Variants in MAF observed in about 807,000 individuals in gnomAD.
The protein encoded by MAF is MAF bZIP transcription factor.
Under a neutral mutation model 22.0 loss-of-function variants are expected in MAF, and 10 were observed. The ratio of observed to expected loss-of-function variants is 0.45; its 90% CI spans 0.28 to 0.77. The LOEUF (loss-of-function observed/expected upper bound fraction) is 0.77. Among genes scored for constraint, MAF ranks in the 30% least tolerant of loss-of-function variants. The pLI is 0.12. For synonymous variants in MAF, 337 were observed against 255.8 expected (o/e 1.32, Z -3.03); for missense variants, 544 against 548.4 (o/e 0.99, Z 0.08).
chr16:79,418,343 A>T, the MAF span, among the ~76,000 whole-genome samples: 1 of 152,182 alleles, frequency 6.6e-6, no homozygotes, highest in Non-Finnish European at 1.5e-5. Flanking sequence ...CACAGAGAAA[A>T]AAAGAGCCCC....
At chr16:79,391,869 GAGA>G in the MAF span, among the ~76,000 whole-genome samples, 2 of 141,490 alleles carry the variant, frequency 1.4e-5, no homozygotes, top group Non-Finnish European at 3.2e-5. Context: ...GAAGGAGGAG[GAGA>G]AGGAGGAGGA....
At chr16:79,566,138 T>A in the MAF span, among the ~76,000 whole-genome samples, 1 of 152,210 alleles carries the variant, frequency 6.6e-6, no homozygotes, top group Non-Finnish European at 1.5e-5. Flanking sequence ...ACAACATCTC[T>A]GTAGATCATC....
the MAF span, among the ~76,000 whole-genome samples, chr16:79,228,693 G>A: frequency 1.3e-5 from 2 of 152,108 alleles, no homozygotes; most frequent in South Asian, 4.1e-4. Context: ...GCCTATATTT[G>A]TTATGGTTGA....
the MAF span, among the ~76,000 whole-genome samples, chr16:79,577,410 G>C: frequency 6.6e-6 from 1 of 152,200 alleles, no homozygotes. Context: ...AGGGTCAATT[G>C]ATACCTTAAT....
At chr16:79,377,539 C>T in the MAF span, among the ~76,000 whole-genome samples, 3 of 152,180 alleles carry the variant, frequency 2.0e-5, no homozygotes, top group Non-Finnish European at 2.9e-5. Flanking sequence ...TAATTAGATC[C>T]CATTTGTCAA....
chr16:79,313,421 G>C, the MAF span, among the ~76,000 whole-genome samples: 2 of 152,238 alleles, frequency 1.3e-5, no homozygotes, highest in South Asian at 4.2e-4. Context: ...GTCATGACCA[G>C]GTCCATGATG....
In MAF at chr16:79,594,326, T is replaced by A; in HGVS notation, c.*134A>T. On this transcript the variant is annotated 3_prime_UTR_variant, in exon 2 of 2. Coordinates refer to ENST00000326043, the MANE Select transcript of MAF (RefSeq NM_005360.5). ...AGGCATAGTTAACTACTACATTTAA[T>A]AGCCTTCTTCTCTAACACAGTAATT... 1 of 843,402 alleles carries A rather than the reference T, an allele frequency of 1.2e-6. No individual in the cohort carries two copies. Among genetic ancestry groups the A allele is most frequent in the East Asian group, 2.7e-5 (1 of 37,436 alleles). 52.2% of individuals were successfully genotyped at this position (843,402 alleles called of 1,614,324 possible).
chr16:79,592,657 G>C (rs375328640), downstream of MAF, among the ~76,000 whole-genome samples: 1 of 152,118 alleles, frequency 6.6e-6, no homozygotes, highest in Admixed American at 6.5e-5. Flanking sequence ...AAACTTCCAA[G>C]TTTCTCTTAT....
chr16:79,277,027 C>T, the MAF span, among the ~76,000 whole-genome samples: 1 of 152,076 alleles, frequency 6.6e-6, no homozygotes, highest in South Asian at 2.1e-4. Flanking sequence ...CTAAATCTCT[C>T]TTTTTTAATT....
chr16:79,585,844 A>G, exon 2 of MAF: 1 of 551,900 alleles, frequency 1.8e-6, no homozygotes, highest in South Asian at 2.2e-5. Context: ...AAAAAAAAAA[A>G]ACTCAAGCAC....
chr16:79,589,319 T>C (rs958705650), downstream of MAF, among the ~76,000 whole-genome samples: 1 of 152,068 alleles, frequency 6.6e-6, no homozygotes, highest in African/African-American at 2.4e-5. Context: ...GTTGGAGCAA[T>C]CCTCATAAAG....
At chr16:79,502,702 AATATAAATATAT>A in the MAF span, among the ~76,000 whole-genome samples, 173 of 86,474 alleles carry the variant, frequency 2.0e-3, 6 homozygotes, top group Admixed American at 6.7e-3. Context: ...TATAAATATA[AATATAAATATAT>A]ATATATATAT....
In MAF at chr16:79,595,462, T is replaced by A. The variant is rs984714308; in HGVS notation, c.1119-909A>T. The A allele has an allele frequency of 1.5e-5, 16 of 1,058,162 alleles. No individual in the cohort carries two copies. In the African/African-American group the frequency reaches 2.6e-4, roughly 17 times the overall value. 65.5% of individuals were successfully genotyped at this position (1,058,162 alleles called of 1,614,324 possible). ...AAAACAAAACAAAAGTCATCGTGTT[T>A]GGCTGTATTTTCAAAACAGTGCTGG... On this transcript the variant is annotated intron_variant, in intron 1 of 1. Coordinates refer to ENST00000326043, the MANE Select transcript of MAF (RefSeq NM_005360.5).
At chr16:79,563,336 G>A in the MAF span, among the ~76,000 whole-genome samples, 266 of 152,310 alleles carry the variant, frequency 1.7e-3, 3 homozygotes, top group African/African-American at 6.3e-3. Context: ...TATTAATTTT[G>A]TTTGACTCTA....
the MAF span, among the ~76,000 whole-genome samples, chr16:79,224,818 C>T: frequency 4.6e-5 from 7 of 152,124 alleles, no homozygotes; most frequent in Non-Finnish European, 1.0e-4. Flanking sequence ...TTATGAAAGA[C>T]CTCTTCAAGG....
At chr16:79,552,268 C>T in the MAF span, among the ~76,000 whole-genome samples, 44 of 152,052 alleles carry the variant, frequency 2.9e-4, no homozygotes, top group Admixed American at 8.5e-4. Context: ...GATTGGAGTG[C>T]AGTTCAGCAA....
At chr16:79,417,167 C>A in the MAF span, among the ~76,000 whole-genome samples, 1 of 152,202 alleles carries the variant, frequency 6.6e-6, no homozygotes, top group Non-Finnish European at 1.5e-5. Flanking sequence ...CTGCAGCCGA[C>A]CCCTTCCAGC....
the MAF span, among the ~76,000 whole-genome samples, chr16:79,268,504 T>C: frequency 5.3e-5 from 8 of 152,148 alleles, no homozygotes; most frequent in Admixed American, 3.3e-4. Context: ...GAACGTAATA[T>C]AGGTTAGCAA....
the MAF span, among the ~76,000 whole-genome samples, chr16:79,347,589 G>T: frequency 6.6e-6 from 1 of 152,178 alleles, no homozygotes; most frequent in South Asian, 2.1e-4. Flanking sequence ...CACCGAGCGG[G>T]GAACAAAAGC....
Sources: allele counts gnomAD v4.1 joint callset (sites outside exome capture counted in the v4.1 genomes callset), GRCh38; gene constraint gnomAD v4.1.1; transcripts MANE v1.5; gene names NCBI Gene and HGNC (gene_info 2026-07-23, HGNC 2026-07-21).